The following TRIP11 variants were observed in gnomAD, a reference collection of about 807,000 sequenced individuals.
The protein encoded by TRIP11 is thyroid receptor-interacting protein 11.
A neutral mutation model predicts 223.1 loss-of-function variants in TRIP11; 148 were observed. That is an observed-to-expected ratio of 0.66 (90% CI 0.58 to 0.76). TRIP11 has a LOEUF of 0.76. TRIP11 is among the 30% of genes least tolerant of loss of function. The pLI is 0.00. For synonymous variants in TRIP11, 762 were observed against 772.6 expected (o/e 0.99, Z 0.23); for missense variants, 2,043 against 2,222.0 (o/e 0.92, Z 1.62).
intron 19 of TRIP11, 27 bp from the exon 20 acceptor site, chr14:91,972,888 A>G (rs764589330): frequency 1.3e-6 from 2 of 1,573,758 alleles, no homozygotes; most frequent in Non-Finnish European, 1.7e-6. Context: ...TGGTTATATT[A>G]GGCTAGATAA....
chr14:91,972,796 C>A lies in TRIP11; in HGVS notation c.5640G>T (p.Lys1880Asn). Residue 1880 changes from lysine to asparagine, a missense_variant, in exon 20 of 21, where the codon AAG (lysine) becomes AAT (asparagine). By Grantham distance (94) the Lys-to-Asn change is moderately conservative. Coordinates refer to ENST00000267622, the MANE Select transcript of TRIP11 (RefSeq NM_004239.4). ...TESHPSIPPP[K>N]LSVHDMKPLD... ...GAGGTTTCATATCATGAACAGAAAG[C>A]TTTGGTGGTGGAATGGATGGATGAG... 6.2e-7 allele frequency: 1 copy of A among 1,613,220 alleles called. No individual in the cohort carries two copies. The highest frequency in any genetic ancestry group is 8.5e-7 in the Non-Finnish European group (1 of 1,179,674).
At chr14:92,034,095 G>A (rs2057297619) in intron 1 of TRIP11, among the ~76,000 whole-genome samples, 1 of 152,172 alleles carries the variant, frequency 6.6e-6, no homozygotes, top group Non-Finnish European at 1.5e-5. Context: ...GTAGTTAGAA[G>A]AGAAGTGACT....
chr14:92,003,454 G>A lies in TRIP11; in HGVS notation c.4522C>T (p.Leu1508Phe). The A allele has an allele frequency of 1.2e-6, 2 of 1,613,924 alleles. No homozygotes were observed. The highest frequency in any genetic ancestry group is 2.2e-5 in the South Asian group (2 of 91,072). ...FECHSMKEKA[L>F]AFEQLLKEKE... is the part of the protein sequence containing the mutation. The stretch of plus-strand genomic sequence containing the variant: ...TCTTTCAATAGCTGTTCAAAAGCAA[G>A]AGCCTTCTCCTTCATTGAGTGGCAC... The change falls in exon 11 of 21, where the codon CTT becomes TTT. Residue 1508 changes from leucine (L) to phenylalanine (F), a missense_variant. Leu to Phe is a conservative substitution (Grantham distance 22). Coordinates refer to ENST00000267622, the MANE Select transcript of TRIP11 (RefSeq NM_004239.4).
intron 16 of TRIP11, among the ~76,000 whole-genome samples, 168 bp from the exon 17 acceptor site, chr14:91,976,357 T>G (rs1342184723): frequency 6.6e-6 from 1 of 152,182 alleles, no homozygotes; most frequent in African/African-American, 2.4e-5. Context: ...GGAACTAGGC[T>G]CTCATATAGA....
intron 11 of TRIP11, 28 bp downstream of exon 11, chr14:92,003,391 C>A: frequency 6.2e-7 from 1 of 1,610,810 alleles, no homozygotes. Flanking sequence ...CCCCAACTTC[C>A]TTCTACAATA....
chr14:92,022,315 T>C (rs1232311882), intron 3 of TRIP11, among the ~76,000 whole-genome samples: 1 of 152,222 alleles, frequency 6.6e-6, no homozygotes. Flanking sequence ...TAACTTTGTA[T>C]TGACCTGCAC....
chr14:92,032,943 A>G (rs2057284863), intron 2 of TRIP11, among the ~76,000 whole-genome samples: 2 of 152,170 alleles, frequency 1.3e-5, no homozygotes. Flanking sequence ...TATTATTTCT[A>G]CATTTGGCAG....
At chr14:92,034,235 C>A (rs1433467262) in intron 1 of TRIP11, among the ~76,000 whole-genome samples, 1 of 152,048 alleles carries the variant, frequency 6.6e-6, no homozygotes, top group Non-Finnish European at 1.5e-5. Flanking sequence ...ACCAGCCTGG[C>A]CAACAGGTAA....
chr14:92,038,524 C>T (rs1025275240), intron 1 of TRIP11, among the ~76,000 whole-genome samples: 14 of 152,064 alleles, frequency 9.2e-5, no homozygotes, highest in African/African-American at 3.1e-4. Flanking sequence ...TTCCTTCCAT[C>T]TAAATAGACC....
rs1165377483 is a variant in TRIP11 at position 92,004,101 on chromosome 14, T to C, written c.3875A>G (p.Gln1292Arg). Reference protein sequence around the residue: ...KNFGQELAQVQHSIGQLCNTK... With the variant: ...KNFGQELAQVRHSIGQLCNTK... Reference sequence around the variant, plus strand: ...ATTGCAAAGCTGCCCAATGCTGTGCTGAACTTGTGCTAATTCCTGCCCAAA... The same window carrying C: ...ATTGCAAAGCTGCCCAATGCTGTGCCGAACTTGTGCTAATTCCTGCCCAAA... Residue 1292 changes from glutamine (Q) to arginine (R), a missense_variant, in exon 11 of 21, where the codon CAG (glutamine) becomes CGG (arginine). Transcript: ENST00000267622. The C allele has an allele frequency of 3.1e-6, 5 of 1,614,244 alleles. No individual in the cohort carries two copies. The South Asian group carries it at 5.5e-5, about 18-fold the overall frequency.
intron 11 of TRIP11, among the ~76,000 whole-genome samples, chr14:92,002,846 G>A (rs2056844565): frequency 6.6e-6 from 1 of 152,010 alleles, no homozygotes. Flanking sequence ...CTCCCAAACT[G>A]CTGAGATTAC....
At chr14:91,998,040 G>A (rs555215595) in intron 13 of TRIP11, among the ~76,000 whole-genome samples, 82 of 152,178 alleles carry the variant, frequency 5.4e-4, no homozygotes, top group African/African-American at 2.0e-3. Flanking sequence ...TGAGTCTGAA[G>A]GTATAATAAT....
chr14:92,021,557 T>C lies in TRIP11; in HGVS notation c.587A>G (p.Gln196Arg), dbSNP rs780777165. 4 of 1,614,150 alleles carry C rather than the reference T, an allele frequency of 2.5e-6. No homozygotes were observed. In the South Asian group the frequency reaches 4.4e-5, roughly 18 times the overall value. Residue 196 changes from glutamine (Q) to arginine (R), a missense_variant and splice_region_variant, in exon 4 of 21, where the codon CAG (glutamine) becomes CGG (arginine). By Grantham distance (43) the Gln-to-Arg change is conservative. Transcript: ENST00000267622. ...AAACTCTAAAAAATTTTTATCTACC[T>C]GAGCAATATGCCTCCAATGGCCAAC... The part of the protein sequence containing the change: ...SEVGHWRHIA[Q>R]TSKAQGTDNS...
At position 91,969,576 on chromosome 14, in the gene TRIP11, A is replaced by G; in HGVS notation, c.*97T>C. On this transcript the variant is annotated 3_prime_UTR_variant, in exon 21 of 21. Transcript: ENST00000267622. Reference sequence around the variant, plus strand: ...AGAAAGCATAATTGCGAACAAATACATGACTTTCTCCCCAAAGGCCACTTT... The same window carrying G: ...AGAAAGCATAATTGCGAACAAATACGTGACTTTCTCCCCAAAGGCCACTTT... 1.7e-6 allele frequency: 2 copies of G among 1,201,448 alleles called. No homozygotes were observed. The highest frequency in any genetic ancestry group is 1.2e-6 in the Non-Finnish European group (1 of 810,388). The allele number at this position is 1,201,448 out of a possible 1,614,324, so 74.4% of individuals were successfully genotyped here.
Position 91,974,630 on chromosome 14 carries a change from A to T in TRIP11, c.5571T>A (p.Asn1857Lys). ...CAAGAATAAAATTGTTTCTTACACT[A>T]TTAACCACAGATTGCTGATTTGGTC... ...PLRPNQQSVV[N>K]SSFSELFVKF... is the part of the protein sequence containing the mutation. Residue 1857 changes from asparagine to lysine, a missense_variant, in exon 19 of 21, where the codon AAT becomes AAA. Asn to Lys is a moderately conservative substitution (Grantham distance 94). Coordinates refer to ENST00000267622, the MANE Select transcript of TRIP11 (RefSeq NM_004239.4). 1 of 1,610,232 alleles carries T rather than the reference A, an allele frequency of 6.2e-7. No homozygotes were observed. Among genetic ancestry groups the T allele is most frequent in the South Asian group, 1.1e-5 (1 of 90,946 alleles).
rs1241223372 is a variant in TRIP11, at chr14:91,969,720, G to C, written c.5893C>G (p.Pro1965Ala). Residue 1965 changes from proline (P) to alanine (A), a missense_variant, in exon 21 of 21, where the codon CCT (proline) becomes GCT (alanine). Physicochemically the swap from Pro to Ala is conservative, Grantham distance 27 (BLOSUM62 -1). Transcript: ENST00000267622. ...AGCACAACCCCAGCACTGTTGTCAG[G>C]TAACGCTGGCAAAGGTGTAAATGTG... ...LPTFTPLPAL[P>A]DNSAGVVLKD... 1 of 1,613,138 alleles carries C rather than the reference G, an allele frequency of 6.2e-7. No homozygotes were observed. Among genetic ancestry groups the C allele is most frequent in the Admixed American group, 1.7e-5 (1 of 60,014 alleles).
rs1212868417 is a variant in TRIP11, at chr14:92,014,118, A to T, written c.1186+97T>A. The stretch of plus-strand genomic sequence containing the variant: ...ACACAGTCATTTCCAGGAATATGCC[A>T]TTTCCACTAAGTATTCAGTTAGTGA... On this transcript the variant is annotated intron_variant, in intron 7 of 20. Transcript: ENST00000267622. The T allele has an allele frequency of 4.7e-5, 71 of 1,514,320 alleles. No individual in the cohort carries two copies. The East Asian group carries it at 1.6e-3, about 35-fold the overall frequency. 93.8% of individuals were successfully genotyped at this position (1,514,320 alleles called of 1,614,324 possible).
Position 91,995,588 on chromosome 14 carries a change from C to T in TRIP11, c.4893-73G>A, listed in dbSNP as rs1234435247. The T allele has an allele frequency of 4.1e-6, 6 of 1,472,638 alleles. No individual in the cohort carries two copies. In the African/African-American group the frequency reaches 4.2e-5, roughly 10 times the overall value. The allele number at this position is 1,472,638 out of a possible 1,614,324, so 91.2% of individuals were successfully genotyped here. A position where few individuals can be genotyped will look rare whatever the true frequency, so the allele number is the denominator to read the frequency against. On this transcript the variant is annotated intron_variant, in intron 13 of 20. Transcript: ENST00000267622. ...CTTTAACAAGAAGAAGCCACCTTCCCTACATCTTATTACTTTATTTTATTT... is the reference window on the plus strand; with the variant it reads ...CTTTAACAAGAAGAAGCCACCTTCCTTACATCTTATTACTTTATTTTATTT...
chr14:92,031,524 C>G (rs2057265065), intron 2 of TRIP11, among the ~76,000 whole-genome samples: 1 of 152,184 alleles, frequency 6.6e-6, no homozygotes, highest in Admixed American at 6.5e-5. Context: ...TTGCAGTGAG[C>G]TATGACTGTG....
Sources: allele counts gnomAD v4.1 joint callset (sites outside exome capture counted in the v4.1 genomes callset), GRCh38; gene constraint gnomAD v4.1.1; transcripts MANE v1.5; gene names NCBI Gene and HGNC (gene_info 2026-07-23, HGNC 2026-07-21).